The following CTNNA3 variants were observed in gnomAD, a reference collection of about 807,000 sequenced individuals.
CTNNA3 encodes the protein catenin alpha-3.
CTNNA3 carries 76 observed loss-of-function variants against 95.7 expected under a neutral mutation model. The observed-to-expected ratio is 0.79, with a 90% CI of 0.66 to 0.96. The LOEUF (loss-of-function observed/expected upper bound fraction) is 0.96, where lower values mean the gene tolerates loss of function less well. Among genes scored for constraint, CTNNA3 ranks in the 40% least tolerant of loss-of-function variants. The probability of loss-of-function intolerance (pLI) is 0.00; values close to 1 mark genes in which losing one functional copy is unlikely to be tolerated. For missense variants in CTNNA3, 1,191 were observed against 1,089.8 expected, an observed-to-expected ratio of 1.09 and a Z score of -1.31; for synonymous variants, 431 against 374.4, an observed-to-expected ratio of 1.15 and a Z score of -1.74.
rs7100345 is a variant in CTNNA3 at position 66,611,035 on chromosome 10, A to G, written c.1374+10657T>C. Among the ~76,000 whole-genome samples, 967 of 152,252 alleles carry G rather than the reference A, an allele frequency of 6.4e-3. 12 individuals are homozygous for G. The highest frequency in any genetic ancestry group is 0.022 in the African/African-American group (927 of 41,556). On this transcript the variant is annotated intron_variant, in intron 10 of 17. Coordinates refer to ENST00000433211, the MANE Select transcript of CTNNA3 (RefSeq NM_013266.4). ...GATTGAACTGGAGGTCACTATGTTA[A>G]GTAAAATAAGCTAGGCACAGAAAGA...
chr10:66,913,259 A>G (rs928867498), intron 7 of CTNNA3, among the ~76,000 whole-genome samples: 1 of 146,336 alleles, frequency 6.8e-6, no homozygotes, highest in Non-Finnish European at 1.5e-5. Context: ...AAAAAAAAAA[A>G]AAAAAAGAAA....
At chr10:66,584,237 A>G (rs1843287087) in intron 10 of CTNNA3, among the ~76,000 whole-genome samples, 1 of 151,632 alleles carries the variant, frequency 6.6e-6, no homozygotes, top group Admixed American at 6.6e-5. Flanking sequence ...TTCTTTGTTG[A>G]CTTTCTGCTT....
chr10:66,305,030 G>A (rs542064643), intron 12 of CTNNA3, among the ~76,000 whole-genome samples: 7 of 152,088 alleles, frequency 4.6e-5, no homozygotes, highest in East Asian at 3.9e-4. Context: ...GGTGGCACAC[G>A]CAACTTCTCA....
intron 7 of CTNNA3, among the ~76,000 whole-genome samples, chr10:66,804,424 T>G (rs1841558434): frequency 6.6e-6 from 1 of 152,002 alleles, no homozygotes; most frequent in African/African-American, 2.4e-5. Context: ...GGAAAAACTC[T>G]CTGTTCTGCT....
At chr10:66,130,902 C>T (rs941004661) in intron 13 of CTNNA3, among the ~76,000 whole-genome samples, 8 of 150,904 alleles carry the variant, frequency 5.3e-5, no homozygotes, top group Non-Finnish European at 3.0e-5. Flanking sequence ...AGAGAATCAT[C>T]GGAGACTATT....
chr10:67,066,327 G>C (rs1856080981), intron 7 of CTNNA3, among the ~76,000 whole-genome samples: 2 of 151,212 alleles, frequency 1.3e-5, no homozygotes, highest in African/African-American at 2.4e-5. Context: ...CAAGTAACTG[G>C]GACTACAGGT....
chr10:67,439,115 G>A (rs540687279), intron 5 of CTNNA3, among the ~76,000 whole-genome samples: 4 of 152,150 alleles, frequency 2.6e-5, no homozygotes, highest in East Asian at 1.9e-4. Context: ...AGCCCTGCTC[G>A]CAGAAATGAA....
intron 9 of CTNNA3, among the ~76,000 whole-genome samples, chr10:66,720,118 T>C (rs1344442643): frequency 6.6e-6 from 1 of 152,008 alleles, no homozygotes; most frequent in African/African-American, 2.4e-5. Context: ...TTCACTCTGA[T>C]TTGAGATGTC....
chr10:66,331,520 A>C (rs762376708), intron 12 of CTNNA3, among the ~76,000 whole-genome samples: 7 of 151,062 alleles, frequency 4.6e-5, no homozygotes, highest in Non-Finnish European at 1.0e-4. Flanking sequence ...TGCCCGGCTA[A>C]TTTTTGTATT....
intron 13 of CTNNA3, among the ~76,000 whole-genome samples, chr10:66,139,711 T>G (rs1290100195): frequency 1.3e-5 from 2 of 152,206 alleles, no homozygotes; most frequent in South Asian, 4.1e-4. Flanking sequence ...TGTCATATTT[T>G]TCAAGTGAAG....
At chr10:67,492,943 G>A (rs1038212458) in intron 5 of CTNNA3, among the ~76,000 whole-genome samples, 2 of 152,056 alleles carry the variant, frequency 1.3e-5, no homozygotes, top group Non-Finnish European at 2.9e-5. Flanking sequence ...CATAGAAAAA[G>A]AAAAGACCAT....
chr10:66,924,065 A>C (rs1055647413), intron 7 of CTNNA3, among the ~76,000 whole-genome samples: 10 of 152,216 alleles, frequency 6.6e-5, no homozygotes, highest in African/African-American at 2.4e-4. Context: ...TGAGTTTCTT[A>C]AACTTATTTC....
At chr10:67,092,768 T>A (rs1857733248) in intron 7 of CTNNA3, among the ~76,000 whole-genome samples, 1 of 151,994 alleles carries the variant, frequency 6.6e-6, no homozygotes, top group Non-Finnish European at 1.5e-5. Context: ...ATAGCATTGA[T>A]GTTGATACGA....
At chr10:66,030,369 C>T (rs1055512101) in intron 15 of CTNNA3, among the ~76,000 whole-genome samples, 44 of 151,870 alleles carry the variant, frequency 2.9e-4, no homozygotes, top group African/African-American at 1.0e-3. Context: ...AAAACAGACA[C>T]AATTGAAACA....
rs1358797979 is a variant in CTNNA3, at chr10:67,654,575, ACCTCCCAGGCCCAAGCAAT to A, written c.-5-7076_-5-7058del. Reference sequence around the variant, plus strand: ...ATCACAGCTCACCACTGCAACCTCCACCTCCCAGGCCCAAGCAATCCTCCCACTCAGCCTCTCAAGTAGC... The same window carrying A: ...ATCACAGCTCACCACTGCAACCTCCACCTCCCACTCAGCCTCTCAAGTAGC... On this transcript the variant is annotated intron_variant, in intron 1 of 17. Coordinates refer to ENST00000433211, the MANE Select transcript of CTNNA3 (RefSeq NM_013266.4). Among the ~76,000 whole-genome samples, 3 of 149,892 alleles carry A rather than the reference ACCTCCCAGGCCCAAGCAAT, an allele frequency of 2.0e-5. No homozygotes were observed. The East Asian group carries it at 5.9e-4, about 29-fold the overall frequency.
At chr10:66,776,212 G>C (rs1180669693) in intron 7 of CTNNA3, among the ~76,000 whole-genome samples, 2 of 152,064 alleles carry the variant, frequency 1.3e-5, no homozygotes, top group East Asian at 3.9e-4. Flanking sequence ...TTATTTTTGT[G>C]CAAGACAACT....
intron 7 of CTNNA3, among the ~76,000 whole-genome samples, chr10:66,980,968 G>T (rs1485770570): frequency 6.6e-6 from 1 of 152,098 alleles, no homozygotes; most frequent in Non-Finnish European, 1.5e-5. Context: ...GTGCGATGGT[G>T]TGATTTCGGC....
chr10:67,156,630 C>A (rs1256185276), intron 7 of CTNNA3, among the ~76,000 whole-genome samples: 1 of 151,742 alleles, frequency 6.6e-6, no homozygotes, highest in East Asian at 1.9e-4. Context: ...TTTCATTCAA[C>A]TGTGGTCAGA....
intron 17 of CTNNA3, among the ~76,000 whole-genome samples, chr10:65,949,790 C>G (rs2077579501): frequency 6.6e-6 from 1 of 152,042 alleles, no homozygotes; most frequent in South Asian, 2.1e-4. Flanking sequence ...ACCACTCATA[C>G]ATAGTGACTC....
Sources: gnomAD v4.1 joint callset for allele counts (sites outside exome capture counted in the v4.1 genomes callset) on GRCh38, gnomAD v4.1.1 for gene constraint, MANE v1.5 for transcripts, NCBI Gene and HGNC (gene_info 2026-07-23, HGNC 2026-07-21) for gene names.